The following MIPOL1 variants were observed in gnomAD, a reference collection of about 807,000 sequenced individuals.
MIPOL1 encodes mirror-image polydactyly gene 1 protein.
A neutral mutation model predicts 60.9 loss-of-function variants in MIPOL1; 57 were observed. The observed-to-expected ratio is 0.94, with a 90% CI of 0.76 to 1.17. MIPOL1 has a LOEUF of 1.17. MIPOL1 is among the 50% of genes most tolerant of loss of function. The pLI is 0.00. For missense variants in MIPOL1, 551 were observed against 511.6 expected (o/e 1.08, Z -0.74); for synonymous variants, 179 against 168.8 (o/e 1.06, Z -0.47).
chr14:37,518,403 C>T lies in MIPOL1; in HGVS notation c.1262+18265C>T, dbSNP rs573377940. ...ACTCTGGAGTGCAGTGGCGGGATCT[C>T]GGCTCACCGCAACTTCCGCCTCCCG... is the stretch of plus-strand genomic sequence containing the variant. On this transcript the variant is annotated intron_variant, in intron 12 of 12. Coordinates refer to ENST00000684589, the MANE Select transcript of MIPOL1 (RefSeq NM_001388067.1). Among the ~76,000 whole-genome samples the T allele has an allele frequency of 4.0e-4, 61 of 152,244 alleles. 1 individual carries two copies. Among genetic ancestry groups the T allele is most frequent in the Admixed American group, 3.1e-3 (48 of 15,284 alleles).
chr14:37,292,562 C>T (rs1292854060), intron 7 of MIPOL1, among the ~76,000 whole-genome samples: 1 of 139,618 alleles, frequency 7.2e-6, no homozygotes, highest in Non-Finnish European at 1.5e-5. Context: ...CTCACTGCAA[C>T]CTCTGCCTCC....
At chr14:37,345,615 C>G (rs2090893273) in intron 9 of MIPOL1, among the ~76,000 whole-genome samples, 1 of 152,136 alleles carries the variant, frequency 6.6e-6, no homozygotes, top group Non-Finnish European at 1.5e-5. Flanking sequence ...TCTGTACACT[C>G]TTGTTCCAGA....
At chr14:37,228,762 A>C (rs1303712965) in intron 1 of MIPOL1, among the ~76,000 whole-genome samples, 1 of 152,164 alleles carries the variant, frequency 6.6e-6, no homozygotes, top group Non-Finnish European at 1.5e-5. Context: ...TTCGTGTGTA[A>C]TTAGTGTTGC....
chr14:37,508,072 A>T (rs1402900753), intron 12 of MIPOL1, among the ~76,000 whole-genome samples: 2 of 152,152 alleles, frequency 1.3e-5, no homozygotes, highest in Non-Finnish European at 2.9e-5. Flanking sequence ...AGTTTAAGAG[A>T]AATGTTATCC....
intron 1 of MIPOL1, among the ~76,000 whole-genome samples, chr14:37,233,086 C>G (rs1970882430): frequency 6.6e-6 from 1 of 152,164 alleles, no homozygotes; most frequent in Non-Finnish European, 1.5e-5. Flanking sequence ...AGAGCACCCT[C>G]TAGTGTCACT....
intron 10 of MIPOL1, 28 bp downstream of exon 10, chr14:37,369,652 A>T: frequency 6.4e-7 from 1 of 1,574,012 alleles, no homozygotes; most frequent in Non-Finnish European, 8.7e-7. Flanking sequence ...CTTGCAGGCA[A>T]ATTAAGGTTG....
chr14:37,446,375 T>C (rs926079682), intron 11 of MIPOL1, among the ~76,000 whole-genome samples: 2 of 152,142 alleles, frequency 1.3e-5, no homozygotes, highest in Admixed American at 1.3e-4. Flanking sequence ...CACAGTGAGA[T>C]ACCATCTCAC....
At chr14:37,467,883 G>A (rs952784064) in intron 11 of MIPOL1, among the ~76,000 whole-genome samples, 3 of 151,664 alleles carry the variant, frequency 2.0e-5, no homozygotes, top group Admixed American at 6.6e-5. Flanking sequence ...GTGAAAAGCC[G>A]TCTCTACTAA....
At chr14:37,369,864 G>C (rs2092591314) in intron 10 of MIPOL1, 1 of 234,348 alleles carries the variant, frequency 4.3e-6, no homozygotes, top group Admixed American at 5.5e-5. Flanking sequence ...AATAACTTTT[G>C]GTAAATGTTT....
At chr14:37,251,806 A>G (rs1030980617) in intron 3 of MIPOL1, among the ~76,000 whole-genome samples, 5 of 152,050 alleles carry the variant, frequency 3.3e-5, no homozygotes, top group Non-Finnish European at 7.4e-5. Flanking sequence ...TTTATAGCAT[A>G]CAACAATTCT....
intron 9 of MIPOL1, among the ~76,000 whole-genome samples, chr14:37,328,156 G>T (rs2089349904): frequency 1.3e-5 from 2 of 152,014 alleles, no homozygotes. Flanking sequence ...GGGATTACAG[G>T]TGCCCACCAC....
At chr14:37,441,549 G>A (rs898325568) in intron 11 of MIPOL1, among the ~76,000 whole-genome samples, 1 of 152,098 alleles carries the variant, frequency 6.6e-6, no homozygotes. Flanking sequence ...CTGTAAATAT[G>A]TGGCTTTCTT....
At chr14:37,471,554 T>A (rs1361654413) in intron 11 of MIPOL1, among the ~76,000 whole-genome samples, 2 of 152,216 alleles carry the variant, frequency 1.3e-5, no homozygotes, top group East Asian at 3.8e-4. Flanking sequence ...CAGAGCAATT[T>A]TTTTGAAAGG....
chr14:37,525,190 G>A (rs1241579577), intron 12 of MIPOL1, among the ~76,000 whole-genome samples: 1 of 152,150 alleles, frequency 6.6e-6, no homozygotes. Context: ...GGCAAGCACT[G>A]GGAATTACTG....
At chr14:37,498,932 G>C (rs1000473332) in intron 11 of MIPOL1, among the ~76,000 whole-genome samples, 4 of 152,110 alleles carry the variant, frequency 2.6e-5, no homozygotes, top group Admixed American at 2.6e-4. Context: ...TCACTAACTA[G>C]CTTTTTGCAG....
At chr14:37,401,566 C>T (rs1489767295) in intron 10 of MIPOL1, 2 of 151,980 alleles carry the variant, frequency 1.3e-5, no homozygotes, top group Non-Finnish European at 2.9e-5. Flanking sequence ...GTTTATAAAT[C>T]TTAGAGGAAA....
chr14:37,451,228 G>GTGTA (rs1195759613), intron 11 of MIPOL1, among the ~76,000 whole-genome samples: 1 of 152,090 alleles, frequency 6.6e-6, no homozygotes. Flanking sequence ...TTGTTCACCT[G>GTGTA]TGTATCACCC....
intron 6 of MIPOL1, among the ~76,000 whole-genome samples, chr14:37,275,092 A>C (rs1464955104): frequency 6.6e-6 from 1 of 151,138 alleles, no homozygotes; most frequent in East Asian, 1.9e-4. Flanking sequence ...CCTTATTTCA[A>C]AAGTGTGCAA....
rs572068501 is a variant in MIPOL1 at position 37,360,463 on chromosome 14, A to T, written c.829-9054A>T. Among the ~76,000 whole-genome samples the T allele has an allele frequency of 2.6e-5, 4 of 152,142 alleles. No individual in the cohort carries two copies. In the East Asian group the frequency reaches 7.8e-4, roughly 30 times the overall value. On this transcript the variant is annotated intron_variant, in intron 9 of 12. Transcript: ENST00000684589. ...CATCTAGTCCTGGACTTTTTTGTTCAGTAGGCTATTAGTTATTGCCTCAAT... is the reference window on the plus strand; with the variant it reads ...CATCTAGTCCTGGACTTTTTTGTTCTGTAGGCTATTAGTTATTGCCTCAAT...
Sources: gnomAD v4.1 joint callset for allele counts (sites outside exome capture counted in the v4.1 genomes callset) on GRCh38, gnomAD v4.1.1 for gene constraint, MANE v1.5 for transcripts, NCBI Gene and HGNC (gene_info 2026-07-23, HGNC 2026-07-21) for gene names.